RLF: variants seen among roughly 807,000 people sequenced by gnomAD.
The protein encoded by RLF is RLF zinc finger, also known as zinc finger protein Rlf.
RLF carries 7 observed loss-of-function variants against 162.9 expected under a neutral mutation model. That is an observed-to-expected ratio of 0.04 (90% CI 0.02 to 0.08). The LOEUF is 0.08. Ranked by LOEUF, RLF falls within the 10% of genes least tolerant of loss-of-function variation. The probability of loss-of-function intolerance (pLI) is 1.00; values close to 1 mark genes in which losing one functional copy is unlikely to be tolerated. For synonymous variants in RLF, 782 were observed against 791.5 expected (o/e 0.99, Z 0.20); for missense variants, 1,664 against 2,244.7 (o/e 0.74, Z 5.23).
intron 1 of RLF, among the ~76,000 whole-genome samples, chr1:40,178,723 T>C (rs1455803289): frequency 6.7e-6 from 1 of 150,060 alleles, no homozygotes; most frequent in East Asian, 2.0e-4. Flanking sequence ...GGGCTTGATA[T>C]AGTTAGCCCA....
intron 1 of RLF, among the ~76,000 whole-genome samples, chr1:40,186,309 T>C (rs748370329): frequency 6.6e-6 from 1 of 152,116 alleles, no homozygotes; most frequent in African/African-American, 2.4e-5. Context: ...ATGAAGAAGA[T>C]TGATTATTCC....
At chr1:40,177,883 A>T (rs1193000020) in intron 1 of RLF, 1 of 152,154 alleles carries the variant, frequency 6.6e-6, no homozygotes, top group Non-Finnish European at 1.5e-5. Context: ...TTGGAACAAT[A>T]TGGAGAAGAT....
At chr1:40,174,248 G>A (rs1472263742) in intron 1 of RLF, among the ~76,000 whole-genome samples, 1 of 152,250 alleles carries the variant, frequency 6.6e-6, no homozygotes, top group East Asian at 1.9e-4. Flanking sequence ...GCAGGCGCCT[G>A]TAATCCCAGC....
intron 7 of RLF, among the ~76,000 whole-genome samples, chr1:40,235,121 G>A (rs929517234): frequency 4.2e-5 from 6 of 143,636 alleles, no homozygotes; most frequent in African/African-American, 1.6e-4. Context: ...GAGTGCAATG[G>A]TGTGATCTTG....
At chr1:40,215,552 AAG>A (rs1642914765) in intron 5 of RLF, among the ~76,000 whole-genome samples, 1 of 152,140 alleles carries the variant, frequency 6.6e-6, no homozygotes, top group African/African-American at 2.4e-5. Flanking sequence ...AAGAAAAAAA[AAG>A]AAATTAGAGA....
At chr1:40,195,215 C>A (rs1642617428) in intron 3 of RLF, among the ~76,000 whole-genome samples, 2 of 151,414 alleles carry the variant, frequency 1.3e-5, no homozygotes, top group South Asian at 4.2e-4. Flanking sequence ...CTTTGGGAGG[C>A]CGAGGCGGGT....
chr1:40,186,739 G>A (rs1278758643), intron 1 of RLF, among the ~76,000 whole-genome samples: 1 of 152,144 alleles, frequency 6.6e-6, no homozygotes, highest in Admixed American at 6.5e-5. Flanking sequence ...AGCACTTTAT[G>A]TGTGATAATC....
At chr1:40,190,627 A>G (rs771350379) in intron 2 of RLF, 145 bp from the exon 3 acceptor site, 7 of 525,128 alleles carry the variant, frequency 1.3e-5, no homozygotes, top group Non-Finnish European at 2.0e-5. Context: ...TGAACAGTCA[A>G]TATAACAACT....
In RLF at chr1:40,161,420, C is replaced by T. The variant is rs758857439; in HGVS notation, c.21C>T (p.Asp7=). 1.0e-5 allele frequency: 16 copies of T among 1,546,468 alleles called. No individual in the cohort carries two copies. The highest frequency in any genetic ancestry group is 5.7e-5 in the African/African-American group (4 of 70,516). The change falls in exon 1 of 8, where the codon GAC becomes GAT. Residue 7 remains aspartate, a synonymous_variant. Transcript: ENST00000372771. The surrounding 1 kb of genome is among the most constrained non-coding windows in gnomAD (Gnocchi z 4.4). MADGKG[D]AAAVAGAGAE... Reference sequence around the variant, plus strand: ...GGAAGATGGCGGACGGAAAGGGAGACGCCGCCGCTGTCGCCGGGGCTGGGG... The same window carrying T: ...GGAAGATGGCGGACGGAAAGGGAGATGCCGCCGCTGTCGCCGGGGCTGGGG...
chr1:40,168,558 A>AT (rs1349241493), intron 1 of RLF, among the ~76,000 whole-genome samples: 1 of 152,156 alleles, frequency 6.6e-6, no homozygotes, highest in Non-Finnish European at 1.5e-5. Context: ...AGAAAGAGAC[A>AT]TTTTTTTGTC....
chr1:40,221,689 T>A (rs61778545), intron 5 of RLF, among the ~76,000 whole-genome samples: 3,104 of 151,300 alleles, frequency 0.021, 81 homozygotes, highest in African/African-American at 0.06. Flanking sequence ...TCACGAGGTC[T>A]GGAGATTGAG....
chr1:40,202,545 G>T lies in RLF; in HGVS notation c.741G>T (p.Val247=). The T allele has an allele frequency of 1.3e-6, 2 of 1,567,364 alleles. No homozygotes were observed. The highest frequency in any genetic ancestry group is 1.2e-5 in the South Asian group (1 of 81,452). The change falls in exon 5 of 8, where the codon GTG becomes GTT. Residue 247 remains valine, a synonymous_variant. Coordinates refer to ENST00000372771, the MANE Select transcript of RLF (RefSeq NM_012421.4). ...LCAESKEISN[V]SSFQQAYITC... ...CAGAATCTAAAGAAATTTCAAATGT[G>T]TCATCTTTTCAGCAAGCCTATATCA...
At chr1:40,170,726 A>G (rs1353417005) in intron 1 of RLF, among the ~76,000 whole-genome samples, 1 of 152,208 alleles carries the variant, frequency 6.6e-6, no homozygotes, top group Non-Finnish European at 1.5e-5. Flanking sequence ...CAGGGATTAA[A>G]TTATGTGTAT....
chr1:40,204,913 C>G lies in RLF; in HGVS notation c.810+2299C>G, dbSNP rs530963627. 3.2e-4 allele frequency among the ~76,000 whole-genome samples: 49 copies of G among 152,336 alleles called. No homozygotes were observed. The South Asian group carries it at 7.9e-3, about 24-fold the overall frequency. On this transcript the variant is annotated intron_variant, in intron 5 of 7. Transcript: ENST00000372771. ...AAGAGAATTTTCATAAGCTCTGTCT[C>G]TGAAACATCTATTCATCTACCAGCA...
chr1:40,200,638 A>G (rs1642699026), intron 4 of RLF, among the ~76,000 whole-genome samples: 1 of 152,044 alleles, frequency 6.6e-6, no homozygotes, highest in Non-Finnish European at 1.5e-5. Context: ...AGGATAAACA[A>G]GAAATTGGAA....
At chr1:40,227,561 C>T (rs757933322) in intron 6 of RLF, among the ~76,000 whole-genome samples, 77 of 152,142 alleles carry the variant, frequency 5.1e-4, no homozygotes, top group Non-Finnish European at 7.1e-4. Context: ...AATCATTTTA[C>T]ATCAATTTAT....
At position 40,236,431 on chromosome 1, in the gene RLF, A is replaced by G. The variant is rs552536980; in HGVS notation, c.1729A>G (p.Met577Val). The G allele has an allele frequency of 3.3e-5, 53 of 1,614,088 alleles. No homozygotes were observed. In the Admixed American group the frequency reaches 7.5e-4, roughly 23 times the overall value. ...ARILHHSKMH[M>V]EDGIYTCPVC... Reference sequence around the variant, plus strand: ...AATTCTTCATCATTCTAAGATGCATATGGAAGATGGAATTTACACCTGTCC... The same window carrying G: ...AATTCTTCATCATTCTAAGATGCATGTGGAAGATGGAATTTACACCTGTCC... The change falls in exon 8 of 8, where the codon ATG becomes GTG. Residue 577 changes from methionine (M) to valine (V), a missense_variant. Coordinates refer to ENST00000372771, the MANE Select transcript of RLF (RefSeq NM_012421.4). This position sits in a 1 kb window ranked among gnomAD's most constrained non-coding sequence, Gnocchi z 7.7.
chr1:40,227,087 G>A (rs911367107), intron 6 of RLF, among the ~76,000 whole-genome samples: 2 of 152,036 alleles, frequency 1.3e-5, no homozygotes, highest in Non-Finnish European at 2.9e-5. Context: ...CTGGTCTCGA[G>A]CTCCTGACCT....
chr1:40,238,335 G>A lies in RLF; in HGVS notation c.3633G>A (p.Lys1211=). 3 of 1,614,150 alleles carry A rather than the reference G, an allele frequency of 1.9e-6. No individual in the cohort carries two copies. The highest frequency in any genetic ancestry group is 2.7e-5 in the African/African-American group (2 of 75,038). The change falls in exon 8 of 8, where the codon AAG becomes AAA. Residue 1211 remains lysine, a synonymous_variant. Transcript: ENST00000372771. The surrounding 1 kb of genome is among the most constrained non-coding windows in gnomAD (Gnocchi z 5.2). ...RATHKLLDNE[K]CDHEGPCSVD... The stretch of plus-strand genomic sequence containing the variant: ...CTCACAAACTATTAGATAATGAAAA[G>A]TGTGATCATGAAGGCCCATGTTCAG...
Sources: gnomAD v4.1 joint callset for allele counts (sites outside exome capture counted in the v4.1 genomes callset) on GRCh38, gnomAD v4.1.1 for gene constraint, Gnocchi (gnomAD v3.1) non-coding constraint, MANE v1.5 for transcripts, NCBI Gene and HGNC (gene_info 2026-07-23, HGNC 2026-07-21) for gene names.